OBI1: variants seen among roughly 807,000 people sequenced by gnomAD.
The protein encoded by OBI1 is ring finger protein 219.
Under a neutral mutation model 62.4 loss-of-function variants are expected in OBI1, and 59 were observed. The ratio of observed to expected loss-of-function variants is 0.95; its 90% confidence interval spans 0.77 to 1.17. OBI1 has a LOEUF of 1.17. OBI1 is among the 50% of genes most tolerant of loss of function. The probability of loss-of-function intolerance (pLI) is 0.00; values close to 1 mark genes in which losing one functional copy is unlikely to be tolerated. For synonymous variants in OBI1, 302 were observed against 292.8 expected (o/e 1.03, Z -0.32); for missense variants, 875 against 830.9 (o/e 1.05, Z -0.65).
intron 5 of OBI1, among the ~76,000 whole-genome samples, chr13:78,629,481 GA>G (rs368088149): frequency 0.01 from 1,544 of 150,986 alleles, 28 homozygotes; most frequent in African/African-American, 0.035. Flanking sequence ...AGTGGCTAGA[GA>G]AAAAAAAAGT....
Position 78,616,732 on chromosome 13 carries a change from G to A in OBI1, c.1029C>T (p.Asp343=), listed in dbSNP as rs866100545. 3 of 1,614,090 alleles carry A rather than the reference G, an allele frequency of 1.9e-6. No individual in the cohort carries two copies. Among genetic ancestry groups the A allele is most frequent in the East Asian group, 2.2e-5 (1 of 44,880 alleles). ...TTACTTCTACCTGTTCTTGATATAG[G>A]TCTTTGTTCTTAGAACAGTTAAGGT... The part of the protein sequence containing the change: ...KADLNCSKNK[D]LYQEQVEVML... Residue 343 remains aspartate, a synonymous_variant, in exon 6 of 6, where the codon GAC becomes GAT. Coordinates refer to ENST00000282003, the MANE Select transcript of OBI1 (RefSeq NM_024546.4).
chr13:78,658,343 T>C (rs1230273676), intron 1 of OBI1, among the ~76,000 whole-genome samples: 1 of 152,016 alleles, frequency 6.6e-6, no homozygotes, highest in Non-Finnish European at 1.5e-5. Flanking sequence ...TATTCAAAGC[T>C]CCGTTTCTAA....
At position 78,616,822 on chromosome 13, in the gene OBI1, C is replaced by G. The variant is rs41288266; in HGVS notation, c.939G>C (p.Ala313=). Residue 313 remains alanine (A), a synonymous_variant, in exon 6 of 6, where the codon GCG becomes GCC. Transcript: ENST00000282003. ...GSSTSSSSHL[A]KPSSSRLCDT... ...CACACAGTCTGCTGCTGGAAGGCTTCGCTAGGTGAGAAGAACTGGAGGTGG... is the reference window on the plus strand; with the variant it reads ...CACACAGTCTGCTGCTGGAAGGCTTGGCTAGGTGAGAAGAACTGGAGGTGG... The G allele has an allele frequency of 6.2e-7, 1 of 1,614,164 alleles. No homozygotes were observed. The highest frequency in any genetic ancestry group is 8.5e-7 in the Non-Finnish European group (1 of 1,180,018).
chr13:78,628,789 T>C (rs528574031), intron 5 of OBI1, among the ~76,000 whole-genome samples: 1 of 150,428 alleles, frequency 6.6e-6, no homozygotes, highest in East Asian at 1.9e-4. Flanking sequence ...CCAGGAAGTC[T>C]GATTCCAGAG....
intron 5 of OBI1, among the ~76,000 whole-genome samples, chr13:78,626,862 C>G (rs902118941): frequency 6.6e-6 from 1 of 152,132 alleles, no homozygotes; most frequent in Non-Finnish European, 1.5e-5. Flanking sequence ...GTCAGGAGAT[C>G]GAGACCATCC....
intron 1 of OBI1, among the ~76,000 whole-genome samples, chr13:78,648,913 CAA>C (rs11385544): frequency 1.9e-4 from 24 of 125,704 alleles, no homozygotes; most frequent in South Asian, 5.2e-4. Context: ...AATGCCATCT[CAA>C]AAAAAAAAAA....
Position 78,638,902 on chromosome 13 carries a change from A to G in OBI1, c.470T>C (p.Val157Ala). The G allele has an allele frequency of 6.2e-7, 1 of 1,613,852 alleles. No homozygotes were observed. Among genetic ancestry groups the G allele is most frequent in the Non-Finnish European group, 8.5e-7 (1 of 1,179,880 alleles). The change falls in exon 4 of 6, where the codon GTA (valine) becomes GCA (alanine). Residue 157 changes from valine to alanine, a missense_variant. By Grantham distance (64) the Val-to-Ala change is moderately conservative (BLOSUM62 0). Transcript: ENST00000282003. The part of the protein sequence containing the change: ...DNPSKINPET[V>A]AEWKKKLRTA... ...TCTGAGTTTTTTCTTCCACTCTGCT[A>G]CAGTTTCTGGGTTAATTTTACTTGG...
chr13:78,626,239 C>T (rs1288335282), intron 5 of OBI1, among the ~76,000 whole-genome samples: 1 of 152,166 alleles, frequency 6.6e-6, no homozygotes, highest in Non-Finnish European at 1.5e-5. Flanking sequence ...CCAGGAATCT[C>T]TGATTTCCTG....
intron 5 of OBI1, among the ~76,000 whole-genome samples, chr13:78,617,800 A>G (rs765219450): frequency 6.6e-5 from 10 of 152,128 alleles, no homozygotes; most frequent in African/African-American, 9.7e-5. Context: ...ACTTTGAAAT[A>G]TGAAGTCAGT....
At chr13:78,626,100 G>A (rs1204582178) in intron 5 of OBI1, among the ~76,000 whole-genome samples, 1 of 152,210 alleles carries the variant, frequency 6.6e-6, no homozygotes, top group Non-Finnish European at 1.5e-5. Context: ...ATGCGGACAA[G>A]AAACTCAAGA....
At chr13:78,629,207 G>A (rs183104311) in intron 5 of OBI1, among the ~76,000 whole-genome samples, 1 of 152,134 alleles carries the variant, frequency 6.6e-6, no homozygotes, top group African/African-American at 2.4e-5. Context: ...CAAGCCTTGG[G>A]GTTGCTGTAC....
Position 78,614,686 on chromosome 13 carries a change from T to C in OBI1, c.*894A>G, listed in dbSNP as rs1337431021. ...TACTCAAAAGAAAACTCCCCTGGAATGCAAGTGGATCAAGAACTTGGCGAT... is the reference window on the plus strand; with the variant it reads ...TACTCAAAAGAAAACTCCCCTGGAACGCAAGTGGATCAAGAACTTGGCGAT... On this transcript the variant is annotated 3_prime_UTR_variant, in exon 6 of 6. Transcript: ENST00000282003. 1 of 152,230 alleles carries C rather than the reference T, an allele frequency of 6.6e-6. No individual in the cohort carries two copies. The highest frequency in any genetic ancestry group is 2.4e-5 in the African/African-American group (1 of 41,454). The allele number at this position is 152,230 out of a possible 1,614,324, so 9.4% of individuals were successfully genotyped here.
At chr13:78,640,304 A>T (rs1876174648) in intron 3 of OBI1, among the ~76,000 whole-genome samples, 1 of 152,142 alleles carries the variant, frequency 6.6e-6, no homozygotes, top group South Asian at 2.1e-4. Flanking sequence ...CTGATGGAAA[A>T]TCACTAGTGC....
intron 4 of OBI1, among the ~76,000 whole-genome samples, chr13:78,637,604 G>A (rs1490323801): frequency 4.6e-5 from 7 of 152,186 alleles, no homozygotes; most frequent in Admixed American, 6.5e-5. Context: ...AAATTAAAGG[G>A]AACAAGGCAA....
intron 1 of OBI1, among the ~76,000 whole-genome samples, chr13:78,658,161 G>A (rs1335316627): frequency 6.6e-6 from 1 of 152,148 alleles, no homozygotes. Flanking sequence ...CTCAGTCTGC[G>A]CTGGGGGGTA....
chr13:78,649,196 T>C (rs936443948), intron 1 of OBI1, among the ~76,000 whole-genome samples: 1 of 152,038 alleles, frequency 6.6e-6, no homozygotes, highest in African/African-American at 2.4e-5. Context: ...TATAAGGCCA[T>C]AGGACTGGAG....
chr13:78,616,797 C>T lies in OBI1; in HGVS notation c.964G>A (p.Asp322Asn), dbSNP rs1875312341. 6.2e-7 allele frequency: 1 copy of T among 1,614,028 alleles called. No individual in the cohort carries two copies. The highest frequency in any genetic ancestry group is 1.7e-5 in the Admixed American group (1 of 59,990). Residue 322 changes from aspartate to asparagine, a missense_variant, in exon 6 of 6, where the codon GAC becomes AAC. Physicochemically the swap from Asp to Asn is conservative, Grantham distance 23 (BLOSUM62 1). Coordinates refer to ENST00000282003, the MANE Select transcript of OBI1 (RefSeq NM_024546.4). Reference protein sequence around the residue: ...LAKPSSSRLCDTSSARQESTS... With the variant: ...LAKPSSSRLCNTSSARQESTS... ...CTTTCCTGCCTTGCAGAACTGGTGT[C>T]ACACAGTCTGCTGCTGGAAGGCTTC...
Position 78,615,720 on chromosome 13 carries a change from T to A in OBI1, c.2041A>T (p.Ser681Cys), listed in dbSNP as rs568088214. 2 of 1,614,136 alleles carry A rather than the reference T, an allele frequency of 1.2e-6. No individual in the cohort carries two copies. Among genetic ancestry groups the A allele is most frequent in the South Asian group, 1.1e-5 (1 of 91,076 alleles). The change falls in exon 6 of 6, where the codon AGT (serine) becomes TGT (cysteine). Residue 681 changes from serine to cysteine, a missense_variant. Ser to Cys is a moderately radical substitution (Grantham distance 112). Coordinates refer to ENST00000282003, the MANE Select transcript of OBI1 (RefSeq NM_024546.4). ...GGAGACTGAAGGTGGTTATGAAGAC[T>A]GTGCATCTCTGAGGACATCTTAAAC... ...SLFKMSSEMH[S>C]LHNHLQSPWS...
chr13:78,615,466 G>T lies in OBI1; in HGVS notation c.*114C>A. ...AATCCACCATCCTGACTTGATACTT[G>T]ACTAAAGATTATCAATTCCAATTTG... On this transcript the variant is annotated 3_prime_UTR_variant, in exon 6 of 6. Coordinates refer to ENST00000282003, the MANE Select transcript of OBI1 (RefSeq NM_024546.4). 1 of 721,886 alleles carries T rather than the reference G, an allele frequency of 1.4e-6. No homozygotes were observed. The allele number at this position is 721,886 out of a possible 1,614,324, so 44.7% of individuals were successfully genotyped here. A position where few individuals can be genotyped will look rare whatever the true frequency, so the allele number is the denominator to read the frequency against.
Sources: gnomAD v4.1 joint callset for allele counts (sites outside exome capture counted in the v4.1 genomes callset) on GRCh38, gnomAD v4.1.1 for gene constraint, MANE v1.5 for transcripts, NCBI Gene and HGNC (gene_info 2026-07-23, HGNC 2026-07-21) for gene names.